PAQR5: variants seen among roughly 807,000 people sequenced by gnomAD.
PAQR5 encodes the protein progestin and adipoQ receptor family member 5, also known as membrane progestin receptor gamma.
Under a neutral mutation model 34.5 loss-of-function variants are expected in PAQR5, and 20 were observed. The ratio of observed to expected loss-of-function variants is 0.58; its 90% CI spans 0.41 to 0.84. The LOEUF (loss-of-function observed/expected upper bound fraction) is 0.84, where lower values mean the gene tolerates loss of function less well. PAQR5 is among the 40% of genes least tolerant of loss of function. PAQR5 has a pLI of 0.00. For missense variants in PAQR5, 378 were observed against 412.7 expected (o/e 0.92, Z 0.73); for synonymous variants, 131 against 155.6 (o/e 0.84, Z 1.18).
Position 69,403,852 on chromosome 15 carries a change from T to C in PAQR5, c.*30T>C. ...GACCATAAGCTTTTCATGCCAGATG[T>C]CAACATTAAGCTGCAACATCCTAAC... is the stretch of plus-strand genomic sequence containing the variant. On this transcript the variant is annotated 3_prime_UTR_variant, in exon 9 of 9. Transcript: ENST00000395407. 1 of 1,607,572 alleles carries C rather than the reference T, an allele frequency of 6.2e-7. No homozygotes were observed. Among genetic ancestry groups the C allele is most frequent in the Non-Finnish European group, 8.5e-7 (1 of 1,177,622 alleles).
At chr15:69,327,331 C>G (rs2054277384) in intron 1 of PAQR5, among the ~76,000 whole-genome samples, 1 of 152,094 alleles carries the variant, frequency 6.6e-6, no homozygotes, top group South Asian at 2.1e-4. Flanking sequence ...CATCAGAAGT[C>G]TCTGCTTTCT....
rs567178846 is a variant in PAQR5 at position 69,393,973 on chromosome 15, C to G, written c.513-3495C>G. ...GTTCTTGGAGCAAGGTGGGGGTGGCCGAGGCCCTGGCCTGCTCATGCCTGC... is the reference window on the plus strand; with the variant it reads ...GTTCTTGGAGCAAGGTGGGGGTGGCGGAGGCCCTGGCCTGCTCATGCCTGC... On this transcript the variant is annotated intron_variant, in intron 6 of 8. Coordinates refer to ENST00000395407, the MANE Select transcript of PAQR5 (RefSeq NM_017705.4). Among the ~76,000 whole-genome samples, 193 of 152,208 alleles carry G rather than the reference C, an allele frequency of 1.3e-3. 1 individual carries two copies. Among genetic ancestry groups the G allele is most frequent in the Non-Finnish European group, 2.3e-3 (156 of 68,008 alleles).
intron 3 of PAQR5, among the ~76,000 whole-genome samples, chr15:69,362,884 C>A (rs1475581496): frequency 6.6e-6 from 1 of 152,148 alleles, no homozygotes; most frequent in Non-Finnish European, 1.5e-5. Flanking sequence ...CCTCTTCCAC[C>A]ACGTCCCATC....
intron 1 of PAQR5, among the ~76,000 whole-genome samples, chr15:69,335,453 C>G (rs2054491445): frequency 1.3e-5 from 2 of 150,632 alleles, no homozygotes; most frequent in South Asian, 4.2e-4. Flanking sequence ...CCATGTTGGT[C>G]AGGCTGGTCT....
At chr15:69,382,422 A>G (rs923641041) in intron 4 of PAQR5, among the ~76,000 whole-genome samples, 1 of 152,008 alleles carries the variant, frequency 6.6e-6, no homozygotes, top group African/African-American at 2.4e-5. Flanking sequence ...TGAGGCAGGC[A>G]GACCACAAGG....
chr15:69,369,121 T>C, intron 3 of PAQR5, among the ~76,000 whole-genome samples: 1 of 152,252 alleles, frequency 6.6e-6, no homozygotes, highest in East Asian at 1.9e-4. Context: ...TCTTTAAATA[T>C]ATTAAACACA....
chr15:69,379,674 TC>T, intron 3 of PAQR5: 1 of 864,550 alleles, frequency 1.2e-6, no homozygotes, highest in Non-Finnish European at 1.4e-6. Flanking sequence ...TTGAATTCCC[TC>T]CCCCAGCTAG....
intron 1 of PAQR5, among the ~76,000 whole-genome samples, chr15:69,316,510 T>C (rs2053954572): frequency 6.6e-6 from 1 of 152,238 alleles, no homozygotes; most frequent in African/African-American, 2.4e-5. Flanking sequence ...CATTCAAATA[T>C]TGTGAAATGT....
At position 69,322,781 on chromosome 15, in the gene PAQR5, AGAAGACGAG is replaced by A. The variant is rs1266315367; in HGVS notation, c.-276-14554_-276-14546del. On this transcript the variant is annotated intron_variant, in intron 1 of 8. Coordinates refer to ENST00000395407, the MANE Select transcript of PAQR5 (RefSeq NM_017705.4). ...AAGAAGAAGAAGAAGAGGGAGAAGA[AGAAGACGAG>A]GAAGAAGAAGAAGAGGAAGAGGAAG... Among the ~76,000 whole-genome samples the A allele has an allele frequency of 6.0e-4, 57 of 95,782 alleles. 12 individuals are homozygous for A. The highest frequency in any genetic ancestry group is 1.2e-3 in the Admixed American group (11 of 9,222). 62.8% of individuals were successfully genotyped at this position (95,782 alleles called of 152,430 possible).
intron 2 of PAQR5, among the ~76,000 whole-genome samples, chr15:69,355,325 TTTCTTTCTTTCTTTCTTTTTTTC>T (rs2055035235): frequency 2.1e-5 from 1 of 47,296 alleles, no homozygotes; most frequent in Non-Finnish European, 4.1e-5. Flanking sequence ...TCTTTCTTTC[TTTCTTTCTTTCTTTCTTTTTTTC>T]TTTCTTTCTT....
chr15:69,369,919 A>G (rs1448985384), intron 3 of PAQR5, among the ~76,000 whole-genome samples: 1 of 152,112 alleles, frequency 6.6e-6, no homozygotes, highest in Admixed American at 6.5e-5. Flanking sequence ...CTGGCAGCAG[A>G]GACTCTGATG....
At chr15:69,352,019 G>C (rs2054931773) in intron 2 of PAQR5, among the ~76,000 whole-genome samples, 1 of 152,284 alleles carries the variant, frequency 6.6e-6, no homozygotes, top group South Asian at 2.1e-4. Context: ...ACAGGAGAAG[G>C]CTCTGCAACA....
intron 1 of PAQR5, among the ~76,000 whole-genome samples, chr15:69,300,937 C>CTCTCTCTCTTTCCTTCTTTCTT: frequency 1.9e-4 from 1 of 5,186 alleles, no homozygotes; most frequent in South Asian, 0.013. Flanking sequence ...CTCTCTCTCT[C>CTCTCTCTCTTTCCTTCTTTCTT]TCTTTCTTTC....
At chr15:69,318,235 G>A (rs2053999591) in intron 1 of PAQR5, among the ~76,000 whole-genome samples, 1 of 152,218 alleles carries the variant, frequency 6.6e-6, no homozygotes, top group Non-Finnish European at 1.5e-5. Flanking sequence ...GGCTCGGGCT[G>A]GGACAGACGG....
In PAQR5 at chr15:69,399,992, G is replaced by A. The variant is rs368802109; in HGVS notation, c.628G>A (p.Glu210Lys). The part of the protein sequence containing the change: ...IFYRLFLFPG[E>K]SAQNEATSYH... ...CCTGCAGCTATTCCTGTTCCCAGGG[G>A]AGAGTGCACAAAATGAAGCCACCTC... Residue 210 changes from glutamate (E) to lysine (K), a missense_variant, in exon 8 of 9, where the codon GAG (glutamate) becomes AAG (lysine). Physicochemically the swap from Glu to Lys is moderately conservative, Grantham distance 56. Coordinates refer to ENST00000395407, the MANE Select transcript of PAQR5 (RefSeq NM_017705.4). The A allele has an allele frequency of 1.1e-5, 17 of 1,613,960 alleles. No individual in the cohort carries two copies. The African/African-American group carries it at 1.2e-4, about 11-fold the overall frequency.
At chr15:69,356,212 C>G (rs1005554329) in intron 2 of PAQR5, among the ~76,000 whole-genome samples, 5 of 152,164 alleles carry the variant, frequency 3.3e-5, no homozygotes, top group African/African-American at 1.2e-4. Context: ...TTGTCTGAGG[C>G]TTCTCTGGTG....
chr15:69,359,595 T>C (rs572817851), intron 2 of PAQR5, among the ~76,000 whole-genome samples: 4 of 152,268 alleles, frequency 2.6e-5, no homozygotes, highest in East Asian at 1.9e-4. Context: ...ACAATGTCTG[T>C]AATCTATAGA....
At chr15:69,316,625 C>A (rs2053957857) in intron 1 of PAQR5, among the ~76,000 whole-genome samples, 1 of 152,168 alleles carries the variant, frequency 6.6e-6, no homozygotes, top group African/African-American at 2.4e-5. Context: ...CCAGAGAAGG[C>A]ATGTCCCTGG....
At chr15:69,401,635 C>G (rs1379678275) in intron 8 of PAQR5, among the ~76,000 whole-genome samples, 1 of 152,214 alleles carries the variant, frequency 6.6e-6, no homozygotes, top group Non-Finnish European at 1.5e-5. Context: ...CTGTCCCATC[C>G]TCTTGGGCCT....
Sources: allele counts gnomAD v4.1 joint callset (sites outside exome capture counted in the v4.1 genomes callset), GRCh38; gene constraint gnomAD v4.1.1; transcripts MANE v1.5; gene names NCBI Gene and HGNC (gene_info 2026-07-23, HGNC 2026-07-21).